UPF2: variants seen among roughly 807,000 people sequenced by gnomAD.
The protein encoded by UPF2 is UPF2 regulator of nonsense mediated mRNA decay.
In UPF2, 17 loss-of-function variants were observed where a neutral mutation model predicts 141.4. The ratio of observed to expected loss-of-function variants is 0.12; its 90% CI spans 0.08 to 0.18. The LOEUF (loss-of-function observed/expected upper bound fraction) is 0.18, where lower values mean the gene tolerates loss of function less well. UPF2 is among the 10% of genes least tolerant of loss of function. UPF2 has a pLI of 1.00. For missense variants in UPF2, 1,152 were observed against 1,515.9 expected (o/e 0.76, Z 3.99); for synonymous variants, 540 against 498.0 (o/e 1.08, Z -1.12).
Position 11,965,661 on chromosome 10 carries a change from G to A in UPF2, c.2068-1536C>T, listed in dbSNP as rs368999102. 4.6e-4 allele frequency among the ~76,000 whole-genome samples: 70 copies of A among 152,116 alleles called. 1 individual carries two copies. The South Asian group carries it at 5.0e-3, about 11-fold the overall frequency. On this transcript the variant is annotated intron_variant, in intron 10 of 21. Coordinates refer to ENST00000357604, the MANE Select transcript of UPF2 (RefSeq NM_015542.4). Reference sequence around the variant, plus strand: ...TGTTTAGTAGAAACGGCGTTTCACCGTGTTAGCCAGGATGGTCTCGATCTC... The same window carrying A: ...TGTTTAGTAGAAACGGCGTTTCACCATGTTAGCCAGGATGGTCTCGATCTC...
At chr10:12,024,425 C>G (rs944589070) in intron 3 of UPF2, among the ~76,000 whole-genome samples, 4 of 152,048 alleles carry the variant, frequency 2.6e-5, no homozygotes, top group Non-Finnish European at 5.9e-5. Flanking sequence ...GCCTGGGCAA[C>G]ATGGCGAAAC....
At chr10:12,030,029 A>G (rs1310713239) in intron 2 of UPF2, among the ~76,000 whole-genome samples, 6 of 152,142 alleles carry the variant, frequency 3.9e-5, no homozygotes, top group African/African-American at 1.4e-4. Context: ...GTATTATCTT[A>G]ATGAGAAGCC....
chr10:11,942,203 G>C (rs1287705034), intron 18 of UPF2, among the ~76,000 whole-genome samples: 1 of 152,052 alleles, frequency 6.6e-6, no homozygotes, highest in East Asian at 1.9e-4. Context: ...GTAAAACGCT[G>C]TCTCTACTAA....
chr10:11,934,549 C>T (rs941834463), intron 19 of UPF2, among the ~76,000 whole-genome samples: 4 of 152,108 alleles, frequency 2.6e-5, no homozygotes, highest in Admixed American at 2.0e-4. Flanking sequence ...TGAGTCATGC[C>T]GTGAAGTCTT....
In UPF2 at chr10:11,988,927, T is replaced by C. The variant is rs117565735; in HGVS notation, c.1844+8745A>G. On this transcript the variant is annotated intron_variant, in intron 8 of 21. Transcript: ENST00000357604. ...GAATCAGAAATGGGATGACAGGGAA[T>C]TGACTGGCACTTGATTACTATCTTT... Among the ~76,000 whole-genome samples, 84 of 152,344 alleles carry C rather than the reference T, an allele frequency of 5.5e-4. No homozygotes were observed. The East Asian group carries it at 0.013, about 24-fold the overall frequency.
intron 8 of UPF2, among the ~76,000 whole-genome samples, chr10:11,994,854 T>C (rs917253246): frequency 1.3e-5 from 2 of 151,650 alleles, no homozygotes; most frequent in Non-Finnish European, 2.9e-5. Flanking sequence ...CAGGCGCCTG[T>C]AGTCCCAGCT....
Position 12,020,328 on chromosome 10 carries a change from C to T in UPF2, c.1146-6144G>A, listed in dbSNP as rs530948026. Among the ~76,000 whole-genome samples the T allele has an allele frequency of 5.1e-4, 78 of 151,500 alleles. No individual in the cohort carries two copies. The East Asian group carries it at 0.015, about 29-fold the overall frequency. On this transcript the variant is annotated intron_variant, in intron 3 of 21. Transcript: ENST00000357604. Reference sequence around the variant, plus strand: ...GTGCAATGGCGCAATCTCGGCTCACCGCAACCTCTGCCTCCCGGGTTCAAG... The same window carrying T: ...GTGCAATGGCGCAATCTCGGCTCACTGCAACCTCTGCCTCCCGGGTTCAAG...
intron 1 of UPF2, among the ~76,000 whole-genome samples, chr10:12,037,107 CAG>C (rs1834639827): frequency 1.3e-5 from 2 of 152,088 alleles, no homozygotes; most frequent in Non-Finnish European, 2.9e-5. Context: ...CTTTTTGAAA[CAG>C]GGTCTCACTT....
At chr10:11,970,725 T>C (rs559846352) in intron 9 of UPF2, among the ~76,000 whole-genome samples, 1 of 152,236 alleles carries the variant, frequency 6.6e-6, no homozygotes, top group Non-Finnish European at 1.5e-5. Flanking sequence ...GGCACAAGAA[T>C]TGCTTCAACC....
At chr10:11,926,822 C>T (rs761063821) in intron 21 of UPF2, among the ~76,000 whole-genome samples, 5 of 152,254 alleles carry the variant, frequency 3.3e-5, no homozygotes, top group Middle Eastern at 3.4e-3. Context: ...CAAGTGTAGC[C>T]GATTCTTCCA....
chr10:12,022,303 T>C (rs1427042077), intron 3 of UPF2, among the ~76,000 whole-genome samples: 1 of 151,648 alleles, frequency 6.6e-6, no homozygotes, highest in African/African-American at 2.4e-5. Context: ...TCCCAGCGAC[T>C]TGGGAGGCTG....
chr10:12,035,293 G>C lies in UPF2; in HGVS notation c.131C>G (p.Thr44Ser), dbSNP rs1326122773. 1 of 1,614,022 alleles carries C rather than the reference G, an allele frequency of 6.2e-7. No individual in the cohort carries two copies. Among genetic ancestry groups the C allele is most frequent in the Non-Finnish European group, 8.5e-7 (1 of 1,180,026 alleles). The change falls in exon 2 of 22, where the codon ACT (threonine) becomes AGT (serine). Residue 44 changes from threonine (T) to serine (S), a missense_variant. Thr to Ser is a moderately conservative substitution (Grantham distance 58, BLOSUM62 1). Transcript: ENST00000357604. Reference sequence around the variant, plus strand: ...GGCCTTGCTGACCTCCTTCTTGGCAGTGAGCTTGATATCGTCTTTTGGCCT... The same window carrying C: ...GGCCTTGCTGACCTCCTTCTTGGCACTGAGCTTGATATCGTCTTTTGGCCT... ...KERPKDDIKL[T>S]AKKEVSKAPE... is the part of the protein sequence containing the mutation.
chr10:12,033,452 G>A (rs1834564644), intron 2 of UPF2, among the ~76,000 whole-genome samples: 1 of 152,106 alleles, frequency 6.6e-6, no homozygotes, highest in Non-Finnish European at 1.5e-5. Flanking sequence ...AGGATGGCTT[G>A]AGCCTGGGAG....
At chr10:11,958,201 T>G (rs1833184726) in intron 12 of UPF2, among the ~76,000 whole-genome samples, 2 of 152,180 alleles carry the variant, frequency 1.3e-5, no homozygotes, top group Admixed American at 6.5e-5. Flanking sequence ...ACATTAAATT[T>G]TTTTAAAAAG....
chr10:11,941,177 G>A (rs1031569832), intron 18 of UPF2, among the ~76,000 whole-genome samples: 2 of 152,166 alleles, frequency 1.3e-5, no homozygotes, highest in South Asian at 2.1e-4. Flanking sequence ...ACACTGTTAA[G>A]CACACAATAG....
rs138111432 is a variant in UPF2 at position 11,961,437 on chromosome 10, A to C, written c.2185-2081T>G. The stretch of plus-strand genomic sequence containing the variant: ...GGAAGAGCACGCATGCAGAGGCCCA[A>C]GCAGAAAGAAAGGCATATGTGGCAC... On this transcript the variant is annotated intron_variant, in intron 11 of 21. Coordinates refer to ENST00000357604, the MANE Select transcript of UPF2 (RefSeq NM_015542.4). Among the ~76,000 whole-genome samples the C allele has an allele frequency of 1.6e-3, 236 of 151,914 alleles. 1 individual carries two copies. The highest frequency in any genetic ancestry group is 5.3e-3 in the African/African-American group (218 of 41,436).
chr10:11,995,870 C>A (rs111620313), intron 8 of UPF2, among the ~76,000 whole-genome samples: 15 of 152,262 alleles, frequency 9.9e-5, no homozygotes, highest in African/African-American at 3.4e-4. Context: ...GTCAGCAATG[C>A]TCTCCCTACA....
At chr10:12,040,612 C>T (rs1401923711) in intron 1 of UPF2, among the ~76,000 whole-genome samples, 1 of 151,508 alleles carries the variant, frequency 6.6e-6, no homozygotes. Context: ...AAAAAAAAGA[C>T]AAAAATCTAG....
intron 1 of UPF2, among the ~76,000 whole-genome samples, chr10:12,036,533 A>G (rs1820233190): frequency 2.0e-5 from 3 of 152,236 alleles, no homozygotes; most frequent in South Asian, 2.1e-4. Context: ...AGAAAGTTCT[A>G]TTGGATAGCA....
Sources: allele counts gnomAD v4.1 joint callset (sites outside exome capture counted in the v4.1 genomes callset), GRCh38; gene constraint gnomAD v4.1.1; transcripts MANE v1.5; gene names NCBI Gene and HGNC (gene_info 2026-07-23, HGNC 2026-07-21).